EP400: variants seen among roughly 807,000 people sequenced by gnomAD.
EP400 encodes the protein E1A binding protein p400.
Under a neutral mutation model 354.1 loss-of-function variants are expected in EP400, and 105 were observed. The ratio of observed to expected loss-of-function variants is 0.30; its 90% CI spans 0.25 to 0.35. The LOEUF is 0.35. EP400 is among the 10% of genes least tolerant of loss of function. EP400 has a pLI of 1.00. For synonymous variants in EP400, 1,646 were observed against 1,716.9 expected, an observed-to-expected ratio of 0.96 and a Z score of 1.02; for missense variants, 3,280 against 4,121.0, an observed-to-expected ratio of 0.80 and a Z score of 5.59.
At chr12:132,036,175 A>G (rs989044873) in intron 30 of EP400, among the ~76,000 whole-genome samples, 1 of 142,792 alleles carries the variant, frequency 7.0e-6, no homozygotes, top group Non-Finnish European at 1.5e-5. Context: ...GGAACAACAC[A>G]CCCAGGTTCA....
chr12:132,052,604 G>A lies in EP400; in HGVS notation c.7395-542G>A, dbSNP rs538337992. ...CTGTTTGTCGTCTGATGTGAGTGCT[G>A]TGATCGCTGGGACTCTAGCGTCTGG... On this transcript the variant is annotated intron_variant, in intron 41 of 52. Coordinates refer to ENST00000389561, the MANE Select transcript of EP400 (RefSeq NM_015409.5). The surrounding 1 kb of genome is among the most constrained non-coding windows in gnomAD (Gnocchi z 4.4). Among the ~76,000 whole-genome samples, 10 of 152,378 alleles carry A rather than the reference G, an allele frequency of 6.6e-5. 1 individual carries two copies. The South Asian group carries it at 1.7e-3, about 25-fold the overall frequency.
rs762818699 is a variant in EP400 at position 131,986,499 on chromosome 12, G to A, written c.1930-15G>A. On this transcript the variant is annotated splice_polypyrimidine_tract_variant and intron_variant, in intron 5 of 52. Transcript: ENST00000389561. ...CTTTTCTTCACCTTGCTCCACTTGT[G>A]CCCTGCCCTTACAGATGGTAGCATC... 8 of 1,583,136 alleles carry A rather than the reference G, an allele frequency of 5.1e-6. No individual in the cohort carries two copies. The highest frequency in any genetic ancestry group is 6.9e-6 in the Non-Finnish European group (8 of 1,163,220).
Position 132,054,554 on chromosome 12 carries a change from T to C in EP400, c.7729-420T>C, listed in dbSNP as rs1166114269. ...CTTTCTGAGGACTTGGCATTTGAGC[T>C]AAGGCCTGAATGACAAGGAGTTGGT... On this transcript the variant is annotated intron_variant, in intron 43 of 52. Coordinates refer to ENST00000389561, the MANE Select transcript of EP400 (RefSeq NM_015409.5). The surrounding 1 kb of genome is among the most constrained non-coding windows in gnomAD (Gnocchi z 4.0). 2.6e-5 allele frequency among the ~76,000 whole-genome samples: 4 copies of C among 152,268 alleles called. No individual in the cohort carries two copies. Among genetic ancestry groups the C allele is most frequent in the African/African-American group, 9.6e-5 (4 of 41,538 alleles).
Position 132,011,511 on chromosome 12 carries a change from C to T in EP400, c.3318C>T (p.Pro1106=), listed in dbSNP as rs889248220. Residue 1106 remains proline, a synonymous_variant, in exon 16 of 53, where the codon CCC becomes CCT. Transcript: ENST00000389561. ...TTTGCTTTGTAGGTAATTGGGGCCCCCATCTTGTTGTTGTGAGAAGTTGTA... is the reference window on the plus strand; with the variant it reads ...TTTGCTTTGTAGGTAATTGGGGCCCTCATCTTGTTGTTGTGAGAAGTTGTA... ...HLACNEGNWG[P]HLVVVRSCNI... The T allele has an allele frequency of 3.1e-6, 5 of 1,612,084 alleles. No individual in the cohort carries two copies. The highest frequency in any genetic ancestry group is 4.2e-6 in the Non-Finnish European group (5 of 1,179,508).
chr12:132,023,556 G>T (rs1894198787), intron 23 of EP400, among the ~76,000 whole-genome samples: 1 of 151,620 alleles, frequency 6.6e-6, no homozygotes, highest in African/African-American at 2.4e-5. Context: ...AACCAATTAT[G>T]GTTAAGTAAA....
chr12:132,039,373 G>T lies in EP400; in HGVS notation c.6207+1277G>T, dbSNP rs998581913. On this transcript the variant is annotated intron_variant, in intron 32 of 52. Transcript: ENST00000389561. ...GGCTTCCATGGTGGTGGAAGGGGAG[G>T]GGGGAGCTGCATGTGCAGGCCACGG... Among the ~76,000 whole-genome samples, 3 of 152,084 alleles carry T rather than the reference G, an allele frequency of 2.0e-5. No homozygotes were observed. The South Asian group carries it at 6.2e-4, about 32-fold the overall frequency.
chr12:131,951,207 G>A (rs913690785), intron 1 of EP400, among the ~76,000 whole-genome samples: 11 of 150,838 alleles, frequency 7.3e-5, no homozygotes, highest in Non-Finnish European at 1.0e-4. Context: ...GAGTCACCGC[G>A]CCTGGCCAGT....
At chr12:131,996,862 A>G (rs1455479933) in intron 12 of EP400, among the ~76,000 whole-genome samples, 1 of 152,108 alleles carries the variant, frequency 6.6e-6, no homozygotes, top group African/African-American at 2.4e-5. Flanking sequence ...TATTCTGGAC[A>G]TGAATTCTTG....
Position 132,075,118 on chromosome 12 carries a change from T to C in EP400, c.9022-1398T>C, listed in dbSNP as rs897659909. ...TTAGGGCAGGTGCTTTTCTTACAGA[T>C]GCCACTGGAGGAAGGGGATGCTTTC... On this transcript the variant is annotated intron_variant, in intron 51 of 52. Coordinates refer to ENST00000389561, the MANE Select transcript of EP400 (RefSeq NM_015409.5). The surrounding 1 kb of genome is among the most constrained non-coding windows in gnomAD (Gnocchi z 4.5). Among the ~76,000 whole-genome samples the C allele has an allele frequency of 6.6e-6, 1 of 152,180 alleles. No individual in the cohort carries two copies. Among genetic ancestry groups the C allele is most frequent in the African/African-American group, 2.4e-5 (1 of 41,448 alleles).
intron 39 of EP400, among the ~76,000 whole-genome samples, chr12:132,048,589 C>T (rs1019756840): frequency 2.0e-5 from 3 of 148,036 alleles, no homozygotes; most frequent in African/African-American, 7.5e-5. Context: ...GTGGCACGAT[C>T]TCGGCTCACT....
In EP400 at chr12:131,990,071, G is replaced by A; in HGVS notation, c.2517G>A (p.Arg839=). 1.9e-6 allele frequency: 3 copies of A among 1,611,264 alleles called. No homozygotes were observed. The highest frequency in any genetic ancestry group is 2.5e-6 in the Non-Finnish European group (3 of 1,179,328). ...RLRRIAASTA[R]EIECFWSNIE... is the part of the protein sequence containing the mutation. ...GGCGGATAGCCGCCTCCACGGCCCG[G>A]GAGATAGAGTGCTTTTGGTCGAATA... The change falls in exon 8 of 53, where the codon CGG becomes CGA. Residue 839 remains arginine, a synonymous_variant. Transcript: ENST00000389561. The surrounding 1 kb of genome is among the most constrained non-coding windows in gnomAD (Gnocchi z 4.2).
rs990082370 is a variant in EP400, at chr12:132,080,372, A to G, written c.*2699A>G. ...GACTAAAATTGTAAATACTTTGTAA[A>G]CATCAGCATTTGTACTTGAATAGTA... On this transcript the variant is annotated 3_prime_UTR_variant, in exon 53 of 53. Transcript: ENST00000389561. The G allele has an allele frequency of 6.6e-6, 1 of 152,660 alleles. No homozygotes were observed. Among genetic ancestry groups the G allele is most frequent in the African/African-American group, 2.4e-5 (1 of 41,462 alleles). 9.5% of individuals were successfully genotyped at this position (152,660 alleles called of 1,614,324 possible).
chr12:132,042,086 A>G (rs141287113), intron 32 of EP400, among the ~76,000 whole-genome samples: 1,899 of 151,768 alleles, frequency 0.013, 48 homozygotes, highest in South Asian at 0.094. Context: ...AAGTAGCTGG[A>G]ATTACAGGTG....
rs773597929 is a variant in EP400, at chr12:132,013,711, G to A, written c.3786+47G>A. 34 of 1,609,088 alleles carry A rather than the reference G, an allele frequency of 2.1e-5. No homozygotes were observed. The highest frequency in any genetic ancestry group is 6.7e-5 in the Admixed American group (4 of 59,484). ...CAGTTAATTAATTAAACATGCGTATGCCTTGTTATAAACGTGTTACAGCAG... is the reference window on the plus strand; with the variant it reads ...CAGTTAATTAATTAAACATGCGTATACCTTGTTATAAACGTGTTACAGCAG... On this transcript the variant is annotated intron_variant, in intron 18 of 52. Transcript: ENST00000389561. This position sits in a 1 kb window ranked among gnomAD's most constrained non-coding sequence, Gnocchi z 4.5.
rs765333677 is a variant in EP400, at chr12:132,029,897, G to C, written c.5578G>C (p.Asp1860His). The C allele has an allele frequency of 2.9e-5, 47 of 1,612,082 alleles. No individual in the cohort carries two copies. The highest frequency in any genetic ancestry group is 4.0e-5 in the Non-Finnish European group (47 of 1,179,684). The change falls in exon 28 of 53, where the codon GAC (aspartate) becomes CAC (histidine). Residue 1860 changes from aspartate to histidine, a missense_variant. This residue lies in a region of EP400 where 459 missense variants were observed against 496.9 expected (regional missense o/e 0.92). Coordinates refer to ENST00000389561, the MANE Select transcript of EP400 (RefSeq NM_015409.5). The surrounding 1 kb of genome is among the most constrained non-coding windows in gnomAD (Gnocchi z 4.7). ...CCCTGAGCTGAGGCTGGTGCAGTTCGACTCAGGTATGCGGCAGTTGGGGGC... is the reference window on the plus strand; with the variant it reads ...CCCTGAGCTGAGGCTGGTGCAGTTCCACTCAGGTATGCGGCAGTTGGGGGC... Reference protein sequence around the residue: ...QFPELRLVQFDSGKLEALAIL... With the variant: ...QFPELRLVQFHSGKLEALAIL...
At chr12:132,072,901 A>G (rs1896105964) in intron 51 of EP400, among the ~76,000 whole-genome samples, 1 of 152,176 alleles carries the variant, frequency 6.6e-6, no homozygotes, top group Non-Finnish European at 1.5e-5. Flanking sequence ...CTTCAGTAAT[A>G]TCTCTGGTCT....
intron 2 of EP400, among the ~76,000 whole-genome samples, chr12:131,965,336 C>T (rs1354492355): frequency 6.6e-6 from 1 of 152,104 alleles, no homozygotes; most frequent in Non-Finnish European, 1.5e-5. Flanking sequence ...AACTTTTACC[C>T]ACTAGTTCTA....
At chr12:132,074,954 A>G (rs1049521631) in intron 51 of EP400, among the ~76,000 whole-genome samples, 9 of 151,608 alleles carry the variant, frequency 5.9e-5, no homozygotes, top group Admixed American at 3.3e-4. Context: ...GCAAAGGTGG[A>G]GTTTTGCTTC....
rs573629252 is a variant in EP400 at position 131,990,570 on chromosome 12, G to T, written c.2551-66G>T. ...CTCTGCTTATGTGCTTTAGTGTTTT[G>T]TATGCAGAACGTCTGTAATTCCCAT... is the stretch of plus-strand genomic sequence containing the variant. On this transcript the variant is annotated intron_variant, in intron 8 of 52. Coordinates refer to ENST00000389561, the MANE Select transcript of EP400 (RefSeq NM_015409.5). This position sits in a 1 kb window ranked among gnomAD's most constrained non-coding sequence, Gnocchi z 4.2. 2.5e-6 allele frequency: 3 copies of T among 1,208,310 alleles called. No individual in the cohort carries two copies. Among genetic ancestry groups the T allele is most frequent in the East Asian group, 2.3e-5 (1 of 42,884 alleles). The allele number at this position is 1,208,310 out of a possible 1,614,324, so 74.8% of individuals were successfully genotyped here. A position where few individuals can be genotyped will look rare whatever the true frequency, so the allele number is the denominator to read the frequency against.
Sources: gnomAD v4.1 joint callset for allele counts (sites outside exome capture counted in the v4.1 genomes callset) on GRCh38, gnomAD v4.1.1 for gene constraint, gnomAD v4.1.1 regional missense constraint, Gnocchi (gnomAD v3.1) non-coding constraint, MANE v1.5 for transcripts, NCBI Gene and HGNC (gene_info 2026-07-23, HGNC 2026-07-21) for gene names.